The following TBC1D22A variants were observed in gnomAD, a reference collection of about 807,000 sequenced individuals.
TBC1D22A encodes putative GTPase activator.
Under a neutral mutation model 60.2 loss-of-function variants are expected in TBC1D22A, and 38 were observed. That is an observed-to-expected ratio of 0.63 (90% CI 0.49 to 0.83). TBC1D22A has a LOEUF of 0.83. Among genes scored for constraint, TBC1D22A ranks in the 40% least tolerant of loss-of-function variants. The pLI is 0.00. For synonymous variants in TBC1D22A, 302 were observed against 281.7 expected (o/e 1.07, Z -0.72); for missense variants, 628 against 701.0 (o/e 0.90, Z 1.18).
chr22:46,813,040 G>A lies in TBC1D22A; in HGVS notation c.637+15420G>A, dbSNP rs947292395. On this transcript the variant is annotated intron_variant, in intron 4 of 12. Transcript: ENST00000337137. ...CCTTGGTCCGCTCTTTGTCTCCCAGGCGGCTCCGCAGGTCTTTCTGTATGC... is the reference window on the plus strand; with the variant it reads ...CCTTGGTCCGCTCTTTGTCTCCCAGACGGCTCCGCAGGTCTTTCTGTATGC... Among the ~76,000 whole-genome samples, 13 of 152,276 alleles carry A rather than the reference G, an allele frequency of 8.5e-5. No homozygotes were observed. The East Asian group carries it at 2.5e-3, about 29-fold the overall frequency.
At chr22:47,168,399 G>A (rs2068291339) in intron 12 of TBC1D22A, among the ~76,000 whole-genome samples, 2 of 150,710 alleles carry the variant, frequency 1.3e-5, no homozygotes, top group South Asian at 4.2e-4. Flanking sequence ...AGATGCTGGG[G>A]AGAACTCACT....
chr22:46,860,911 C>T (rs1412797395), intron 4 of TBC1D22A, among the ~76,000 whole-genome samples: 1 of 152,186 alleles, frequency 6.6e-6, no homozygotes, highest in African/African-American at 2.4e-5. Context: ...CTTCCACTTC[C>T]TTTGGGGGAG....
chr22:47,133,100 C>T (rs1050047824), intron 12 of TBC1D22A, among the ~76,000 whole-genome samples: 1 of 152,242 alleles, frequency 6.6e-6, no homozygotes, highest in African/African-American at 2.4e-5. Context: ...AATGTAACAG[C>T]CTATCCACTT....
At chr22:47,130,764 G>A (rs1425243505) in intron 12 of TBC1D22A, among the ~76,000 whole-genome samples, 1 of 152,180 alleles carries the variant, frequency 6.6e-6, no homozygotes, top group Non-Finnish European at 1.5e-5. Flanking sequence ...AATGTCCTGA[G>A]AATTAAATTC....
At chr22:46,908,269 T>G (rs1026193906) in intron 7 of TBC1D22A, among the ~76,000 whole-genome samples, 2 of 152,120 alleles carry the variant, frequency 1.3e-5, no homozygotes, top group East Asian at 1.9e-4. Flanking sequence ...GCCACACGCA[T>G]CTGGGGTGTG....
chr22:46,996,530 A>G (rs2075128346), intron 9 of TBC1D22A, among the ~76,000 whole-genome samples: 1 of 152,230 alleles, frequency 6.6e-6, no homozygotes, highest in African/African-American at 2.4e-5. Context: ...TTGCCATGTA[A>G]GGCCACACAT....
chr22:47,061,374 T>C (rs570966704), intron 11 of TBC1D22A, among the ~76,000 whole-genome samples: 1 of 152,168 alleles, frequency 6.6e-6, no homozygotes, highest in African/African-American at 2.4e-5. Context: ...CCTCACTCTC[T>C]CCTCTGCCTT....
chr22:47,135,658 A>G (rs1343782748), intron 12 of TBC1D22A, among the ~76,000 whole-genome samples: 2 of 152,224 alleles, frequency 1.3e-5, no homozygotes, highest in Admixed American at 1.3e-4. Context: ...GAGGAGTTGA[A>G]GGTGATTCTG....
chr22:46,991,179 G>A (rs747190604), intron 9 of TBC1D22A, among the ~76,000 whole-genome samples: 32 of 152,336 alleles, frequency 2.1e-4, no homozygotes, highest in Non-Finnish European at 3.4e-4. Context: ...CAGAAGATCA[G>A]AGAAATGAAC....
rs1020558324 is a variant in TBC1D22A, at chr22:47,017,440, A to G, written c.1202-19631A>G. ...AGCTGCCCTCCCTGAGTGTTGGGGG[A>G]ACCTGGAGCTGGGCGTTGGGCAGGC... On this transcript the variant is annotated intron_variant, in intron 10 of 12. Coordinates refer to ENST00000337137, the MANE Select transcript of TBC1D22A (RefSeq NM_014346.5). 2.0e-5 allele frequency among the ~76,000 whole-genome samples: 3 copies of G among 151,968 alleles called. No homozygotes were observed. The South Asian group carries it at 6.2e-4, about 32-fold the overall frequency.
intron 10 of TBC1D22A, among the ~76,000 whole-genome samples, chr22:47,005,883 ACCT>A (rs1296626498): frequency 6.9e-6 from 1 of 144,150 alleles, no homozygotes; most frequent in Non-Finnish European, 1.5e-5. Flanking sequence ...ATACACACAC[ACCT>A]CCTACACACA....
intron 8 of TBC1D22A, among the ~76,000 whole-genome samples, chr22:46,959,766 G>A (rs746381994): frequency 8.5e-5 from 13 of 152,160 alleles, no homozygotes; most frequent in Admixed American, 8.5e-4. Context: ...CACTCTTGTC[G>A]GGAGGTTTTC....
intron 10 of TBC1D22A, among the ~76,000 whole-genome samples, chr22:47,010,518 G>T (rs893423967): frequency 3.3e-5 from 5 of 152,230 alleles, no homozygotes; most frequent in African/African-American, 1.2e-4. Context: ...GCTGGCAAGG[G>T]CTGCATTCCT....
At position 46,855,122 on chromosome 22, in the gene TBC1D22A, A is replaced by G. The variant is rs550663969; in HGVS notation, c.638-23531A>G. Among the ~76,000 whole-genome samples the G allele has an allele frequency of 1.9e-3, 282 of 152,316 alleles. 9 individuals carry two copies. In the South Asian group the frequency reaches 0.055, roughly 30 times the overall value. Reference sequence around the variant, plus strand: ...CTGTGCTACCCAAAGCACCTACGGCAGAGCCCTGGACACAGGTTGATCAGA... The same window carrying G: ...CTGTGCTACCCAAAGCACCTACGGCGGAGCCCTGGACACAGGTTGATCAGA... On this transcript the variant is annotated intron_variant, in intron 4 of 12. Transcript: ENST00000337137.
intron 4 of TBC1D22A, among the ~76,000 whole-genome samples, chr22:46,870,317 A>G (rs944104078): frequency 2.0e-5 from 3 of 152,144 alleles, no homozygotes; most frequent in Non-Finnish European, 4.4e-5. Context: ...GTAATTTCCT[A>G]TTGAGAAGTA....
chr22:46,899,632 G>T (rs958551678), intron 7 of TBC1D22A, among the ~76,000 whole-genome samples: 1 of 152,176 alleles, frequency 6.6e-6, no homozygotes, highest in African/African-American at 2.4e-5. Flanking sequence ...CACATTGTTT[G>T]TTCCTCTATA....
At chr22:46,762,926 T>G (rs2083150788) in intron 1 of TBC1D22A, 78 bp downstream of exon 1, 2 of 1,368,684 alleles carry the variant, frequency 1.5e-6, no homozygotes, top group Admixed American at 3.5e-5. Context: ...GGGCTGCGGG[T>G]GGAGTCGGGG....
chr22:46,914,534 C>T (rs1218382658), intron 8 of TBC1D22A: 3 of 151,734 alleles, frequency 2.0e-5, no homozygotes, highest in Non-Finnish European at 4.4e-5. Context: ...GGGGAATGTT[C>T]ATTAGTACAG....
chr22:47,073,294 G>C (rs939169562), intron 11 of TBC1D22A, among the ~76,000 whole-genome samples: 1 of 152,214 alleles, frequency 6.6e-6, no homozygotes, highest in East Asian at 1.9e-4. Context: ...TGTTATTCCA[G>C]ATACTGAAGC....
Sources: gnomAD v4.1 joint callset for allele counts (sites outside exome capture counted in the v4.1 genomes callset) on GRCh38, gnomAD v4.1.1 for gene constraint, MANE v1.5 for transcripts, NCBI Gene and HGNC (gene_info 2026-07-23, HGNC 2026-07-21) for gene names.